FYB1: variants seen among roughly 807,000 people sequenced by gnomAD.
FYB1 encodes FYN binding protein 1.
FYB1 carries 41 observed loss-of-function variants against 94.1 expected under a neutral mutation model. The observed-to-expected ratio is 0.44, with a 90% CI of 0.34 to 0.57. The LOEUF is 0.57. Among genes scored for constraint, FYB1 ranks in the 20% least tolerant of loss-of-function variants. The pLI, the probability that FYB1 is intolerant of heterozygous loss-of-function variation, is 0.02. For synonymous variants in FYB1, 367 were observed against 353.2 expected, an observed-to-expected ratio of 1.04 and a Z score of -0.44; for missense variants, 1,050 against 976.8, an observed-to-expected ratio of 1.07 and a Z score of -1.00.
intron 3 of FYB1, among the ~76,000 whole-genome samples, chr5:39,143,310 C>G (rs1350402471): frequency 1.3e-5 from 2 of 152,182 alleles, no homozygotes; most frequent in African/African-American, 4.8e-5. Context: ...ATCTATCAAG[C>G]AGCAACTCAT....
chr5:39,179,548 CTTT>C lies in FYB1; in HGVS notation c.1135+22275_1135+22277del, dbSNP rs11405241. 5.0e-5 allele frequency among the ~76,000 whole-genome samples: 7 copies of C among 139,656 alleles called. No individual in the cohort carries two copies. In the East Asian group the frequency reaches 1.0e-3, roughly 20 times the overall value. 91.6% of individuals were successfully genotyped at this position (139,656 alleles called of 152,430 possible). A position where few individuals can be genotyped will look rare whatever the true frequency, so the allele number is the denominator to read the frequency against. On this transcript the variant is annotated intron_variant, in intron 2 of 18. Transcript: ENST00000512982. ...CATTTCCAAGCTTTTCTTCTTTTTT[CTTT>C]TTTTTTTTTTTTGAGACAGAGTGTT... is the stretch of plus-strand genomic sequence containing the variant.
chr5:39,116,513 G>C (rs1440744886), intron 16 of FYB1, among the ~76,000 whole-genome samples: 1 of 152,166 alleles, frequency 6.6e-6, no homozygotes, highest in Non-Finnish European at 1.5e-5. Context: ...CAGGAGGCCT[G>C]TAGTATTTGT....
chr5:39,203,269 C>A (rs1379335791), intron 1 of FYB1, among the ~76,000 whole-genome samples: 1 of 152,042 alleles, frequency 6.6e-6, no homozygotes, highest in Non-Finnish European at 1.5e-5. Flanking sequence ...CACTGTTTCT[C>A]TAGCTATCTT....
intron 1 of FYB1, among the ~76,000 whole-genome samples, chr5:39,239,930 C>CCAAAA (rs1451684065): frequency 2.0e-5 from 3 of 152,100 alleles, no homozygotes; most frequent in African/African-American, 7.2e-5. Context: ...GCTACAGTAA[C>CCAAAA]CAAAATGGCA....
chr5:39,170,189 T>A, intron 2 of FYB1: 1 of 802,056 alleles, frequency 1.2e-6, no homozygotes. Context: ...TTTGAACTTC[T>A]GTGAAGTTCA....
chr5:39,203,880 G>A (rs1748602379), intron 1 of FYB1, among the ~76,000 whole-genome samples: 1 of 152,124 alleles, frequency 6.6e-6, no homozygotes. Flanking sequence ...CTCTGTGAAT[G>A]TAATCCCATT....
chr5:39,216,730 C>T (rs2150542231), intron 1 of FYB1, among the ~76,000 whole-genome samples: 1 of 152,296 alleles, frequency 6.6e-6, no homozygotes, highest in Non-Finnish European at 1.5e-5. Context: ...TTAGAGGTGA[C>T]ATCCCAGCTG....
chr5:39,195,624 T>C (rs918515427), intron 2 of FYB1, among the ~76,000 whole-genome samples: 4 of 152,240 alleles, frequency 2.6e-5, no homozygotes, highest in African/African-American at 9.6e-5. Flanking sequence ...GGTGCTTAAC[T>C]GATCATTCCT....
At position 39,126,044 on chromosome 5, in the gene FYB1, G is replaced by A. The variant is rs778690148; in HGVS notation, c.1999C>T (p.Arg667Ter). The change falls in exon 12 of 19, where the codon CGA (arginine) becomes TGA (stop). Residue 667 changes from arginine (R) to a stop codon, truncating the protein, a stop_gained. Transcript: ENST00000512982. LOFTEE classifies it high-confidence loss of function. ...KGKDDRKKSI[R>*]EKPKVSDSDN... is the part of the protein sequence containing the mutation. The stretch of plus-strand genomic sequence containing the variant: ...GAGTCAGAGACTTTAGGTTTCTCTC[G>A]TATACTTTTCTTTCTGTCATCTTTT... 6 of 1,613,202 alleles carry A rather than the reference G, an allele frequency of 3.7e-6. No individual in the cohort carries two copies. The African/African-American group carries it at 4.0e-5, about 11-fold the overall frequency.
chr5:39,239,014 A>G (rs566625619), intron 1 of FYB1, among the ~76,000 whole-genome samples: 1 of 152,138 alleles, frequency 6.6e-6, no homozygotes. Flanking sequence ...CAACATATGC[A>G]AATCAGTAAG....
At position 39,119,038 on chromosome 5, in the gene FYB1, T is replaced by TAAAAA; in HGVS notation, c.2239-7_2239-3dup. On this transcript the variant is annotated splice_polypyrimidine_tract_variant and splice_region_variant and intron_variant, in intron 15 of 18. Transcript: ENST00000512982. Reference sequence around the variant, plus strand: ...TAGGACTCTAATTTCACCATCATACTAAAAAAAAAAGAACAATATTTAAAT... The same window carrying TAAAAA: ...TAGGACTCTAATTTCACCATCATACTAAAAAAAAAAAAAAAGAACAATATTTAAAT... 8.7e-7 allele frequency: 1 copy of TAAAAA among 1,148,352 alleles called. No individual in the cohort carries two copies. Among genetic ancestry groups the TAAAAA allele is most frequent in the Non-Finnish European group, 1.2e-6 (1 of 859,604 alleles). The allele number at this position is 1,148,352 out of a possible 1,614,324, so 71.1% of individuals were successfully genotyped here. A position where few individuals can be genotyped will look rare whatever the true frequency, so the allele number is the denominator to read the frequency against.
chr5:39,220,471 AAG>A (rs1245853544), upstream of FYB1, among the ~76,000 whole-genome samples: 1 of 151,740 alleles, frequency 6.6e-6, no homozygotes, highest in Non-Finnish European at 1.5e-5. Flanking sequence ...GAAAGAAAGA[AAG>A]AAACTCAAAA....
upstream of FYB1, among the ~76,000 whole-genome samples, chr5:39,223,356 G>C (rs1234789455): frequency 6.6e-6 from 1 of 152,060 alleles, no homozygotes; most frequent in East Asian, 1.9e-4. Flanking sequence ...AGATGGTGTT[G>C]ACAGAAGGTG....
Position 39,124,254 on chromosome 5 carries a change from C to G in FYB1, c.2070G>C (p.Leu690Phe), listed in dbSNP as rs1289461756. ...ATACAATCAGTTTTTATTACTTACC[C>G]AATTGTTTAGGAGGAGCAGGGAAAC... ...GSSFPAPPKQ[L>F]DMGDEVYDDV... The change falls in exon 13 of 19, where the codon TTG (leucine) becomes TTC (phenylalanine). Residue 690 changes from leucine (L) to phenylalanine (F), a missense_variant and splice_region_variant. Leu to Phe is a conservative substitution (Grantham distance 22). Coordinates refer to ENST00000512982, the MANE Select transcript of FYB1 (RefSeq NM_001465.6). The G allele has an allele frequency of 1.3e-6, 2 of 1,558,068 alleles. No homozygotes were observed. Among genetic ancestry groups the G allele is most frequent in the Admixed American group, 4.1e-5 (2 of 48,980 alleles).
chr5:39,202,673 G>A lies in FYB1; in HGVS notation c.288C>T (p.Ala96=), dbSNP rs1561259168. The stretch of plus-strand genomic sequence containing the variant: ...CCTCGGGGTCTCTGGTGGTCAAGCT[G>A]GCTGGTGTTCCGAATCTTTGGCCTG... ...TGAGQRFGTP[A]SLTTRDPEAK... The change falls in exon 2 of 19, where the codon GCC becomes GCT. Residue 96 remains alanine (A), a synonymous_variant. Coordinates refer to ENST00000512982, the MANE Select transcript of FYB1 (RefSeq NM_001465.6). 3 of 1,613,874 alleles carry A rather than the reference G, an allele frequency of 1.9e-6. No individual in the cohort carries two copies. The highest frequency in any genetic ancestry group is 2.7e-5 in the African/African-American group (2 of 75,008).
At chr5:39,247,348 G>A (rs760393441) in intron 1 of FYB1, among the ~76,000 whole-genome samples, 55 of 151,392 alleles carry the variant, frequency 3.6e-4, no homozygotes, top group South Asian at 8.3e-4. Flanking sequence ...TGTAACATAC[G>A]GGGTATATAT....
At chr5:39,273,298 A>T (rs1022892466) in intron 1 of FYB1, among the ~76,000 whole-genome samples, 1 of 152,212 alleles carries the variant, frequency 6.6e-6, no homozygotes, top group Non-Finnish European at 1.5e-5. Flanking sequence ...TTCTGTACTA[A>T]GAAAAATTCT....
upstream of FYB1, among the ~76,000 whole-genome samples, chr5:39,224,258 A>G (rs1750382954): frequency 6.6e-6 from 1 of 152,174 alleles, no homozygotes; most frequent in Non-Finnish European, 1.5e-5. Flanking sequence ...ACAAATCATG[A>G]ATGTGTTTGA....
intron 2 of FYB1, among the ~76,000 whole-genome samples, chr5:39,194,285 C>T (rs1228907506): frequency 6.6e-6 from 1 of 152,140 alleles, no homozygotes; most frequent in Non-Finnish European, 1.5e-5. Context: ...CTTTGGGAAG[C>T]TGAGGCAGGA....
Sources: allele counts gnomAD v4.1 joint callset (sites outside exome capture counted in the v4.1 genomes callset), GRCh38; gene constraint gnomAD v4.1.1; transcripts MANE v1.5; gene names NCBI Gene and HGNC (gene_info 2026-07-23, HGNC 2026-07-21).